The following MAP2 variants were observed in gnomAD, a reference collection of about 807,000 sequenced individuals.
The protein encoded by MAP2 is microtubule associated protein 2.
Under a neutral mutation model 137.6 loss-of-function variants are expected in MAP2, and 14 were observed. The ratio of observed to expected loss-of-function variants is 0.10; its 90% CI spans 0.07 to 0.16. The LOEUF (loss-of-function observed/expected upper bound fraction) is 0.16, where lower values mean the gene tolerates loss of function less well. MAP2 is among the 10% of genes least tolerant of loss of function. MAP2 has a pLI of 1.00. For synonymous variants in MAP2, 786 were observed against 782.3 expected (o/e 1.00, Z -0.08); for missense variants, 2,088 against 2,191.5 (o/e 0.95, Z 0.94).
chr2:209,515,752 A>C (rs1158981763), intron 2 of MAP2, among the ~76,000 whole-genome samples: 1 of 152,040 alleles, frequency 6.6e-6, no homozygotes, highest in African/African-American at 2.4e-5. Context: ...GAATCGAGAA[A>C]CTTAGTCATT....
At chr2:209,603,428 G>C (rs541899373) in intron 3 of MAP2, among the ~76,000 whole-genome samples, 3 of 151,996 alleles carry the variant, frequency 2.0e-5, no homozygotes, top group African/African-American at 7.3e-5. Flanking sequence ...GATGGGGGGC[G>C]GTTATCACAA....
chr2:209,718,571 C>T (rs2068743758), intron 13 of MAP2, among the ~76,000 whole-genome samples: 1 of 151,862 alleles, frequency 6.6e-6, no homozygotes, highest in African/African-American at 2.4e-5. Flanking sequence ...TCCACTAAAA[C>T]GTTCTTTCCA....
rs938179269 is a variant in MAP2, at chr2:209,621,133, T to G, written c.-106-3920T>G. On this transcript the variant is annotated intron_variant, in intron 3 of 15. Coordinates refer to ENST00000682079, the MANE Select transcript of MAP2 (RefSeq NM_001375505.1). ...TCACTTGAACCCTGGAGGCGGAGGT[T>G]GCAGTGAGCCGAGATCACGCCATTG... is the stretch of plus-strand genomic sequence containing the variant. Among the ~76,000 whole-genome samples the G allele has an allele frequency of 2.0e-5, 3 of 151,054 alleles. No individual in the cohort carries two copies. In the East Asian group the frequency reaches 6.0e-4, roughly 30 times the overall value.
chr2:209,485,377 T>A (rs2058250361), intron 1 of MAP2, among the ~76,000 whole-genome samples: 1 of 152,162 alleles, frequency 6.6e-6, no homozygotes, highest in South Asian at 2.1e-4. Context: ...CCACCTCCTA[T>A]AACTTTTTTT....
At chr2:209,701,937 C>T (rs2061871320) in intron 11 of MAP2, among the ~76,000 whole-genome samples, 1 of 151,702 alleles carries the variant, frequency 6.6e-6, no homozygotes, top group South Asian at 2.1e-4. Context: ...TCTTAATTTT[C>T]TAAAAATAAA....
chr2:209,459,927 C>G (rs1382821568), intron 1 of MAP2, among the ~76,000 whole-genome samples: 1 of 152,156 alleles, frequency 6.6e-6, no homozygotes, highest in Non-Finnish European at 1.5e-5. Context: ...CTCTTAGCCC[C>G]TTTCCTTGTC....
intron 1 of MAP2, among the ~76,000 whole-genome samples, chr2:209,464,051 G>T (rs552205069): frequency 2.6e-5 from 4 of 152,100 alleles, no homozygotes; most frequent in Admixed American, 2.6e-4. Context: ...ATGACTAATG[G>T]ATGACTGGGG....
At chr2:209,488,260 T>G (rs2058640336) in intron 1 of MAP2, among the ~76,000 whole-genome samples, 1 of 152,220 alleles carries the variant, frequency 6.6e-6, no homozygotes, top group African/African-American at 2.4e-5. Context: ...GCCCACATAC[T>G]ACGCTTTTCC....
At chr2:209,607,941 T>C (rs1314601327) in intron 3 of MAP2, among the ~76,000 whole-genome samples, 2 of 152,230 alleles carry the variant, frequency 1.3e-5, no homozygotes, top group Admixed American at 6.5e-5. Context: ...CTTATATCTT[T>C]TCTGTCACAC....
intron 2 of MAP2, among the ~76,000 whole-genome samples, chr2:209,523,144 A>G (rs920035843): frequency 6.6e-6 from 1 of 152,054 alleles, no homozygotes; most frequent in African/African-American, 2.4e-5. Context: ...CTTAGACCTC[A>G]GTTACTCAGA....
In MAP2 at chr2:209,608,842, T is replaced by C. The variant is rs1039293561; in HGVS notation, c.-106-16211T>C. On this transcript the variant is annotated intron_variant, in intron 3 of 15. Coordinates refer to ENST00000682079, the MANE Select transcript of MAP2 (RefSeq NM_001375505.1). ...CTGTTGTGTGCCAACAACCTGTAGT[T>C]CTCATTGCCCCTTTGCTTCTGCTCT... is the stretch of plus-strand genomic sequence containing the variant. Among the ~76,000 whole-genome samples, 3 of 152,122 alleles carry C rather than the reference T, an allele frequency of 2.0e-5. No individual in the cohort carries two copies. The South Asian group carries it at 6.2e-4, about 32-fold the overall frequency.
chr2:209,631,093 A>C (rs1308432228), intron 4 of MAP2, among the ~76,000 whole-genome samples: 2 of 151,568 alleles, frequency 1.3e-5, no homozygotes, highest in African/African-American at 4.8e-5. Flanking sequence ...ACAAATCTAG[A>C]GACAGAACAA....
intron 3 of MAP2, among the ~76,000 whole-genome samples, chr2:209,588,798 C>T (rs1439458011): frequency 6.6e-6 from 1 of 151,518 alleles, no homozygotes; most frequent in Non-Finnish European, 1.5e-5. Flanking sequence ...TAAAAAAAAA[C>T]CTAAGTAGAC....
chr2:209,618,919 A>G (rs1387002407), intron 3 of MAP2, among the ~76,000 whole-genome samples: 1 of 152,200 alleles, frequency 6.6e-6, no homozygotes, highest in Non-Finnish European at 1.5e-5. Flanking sequence ...AAAATATGGG[A>G]TATATACATA....
At chr2:209,473,510 C>T (rs1706336684) in intron 1 of MAP2, among the ~76,000 whole-genome samples, 1 of 152,044 alleles carries the variant, frequency 6.6e-6, no homozygotes, top group African/African-American at 2.4e-5. Flanking sequence ...GCTTTTGTCA[C>T]ATATGTTTTC....
rs1351301658 is a variant in MAP2 at position 209,693,427 on chromosome 2, T to C, written c.1257T>C (p.Thr419=). ...EEEKEAINQE[T]VQQRDTFTPS... Reference sequence around the variant, plus strand: ...AAAAGGAGGCCATAAATCAAGAGACTGTGCAGCAAAGGGATACTTTCACCC... The same window carrying C: ...AAAAGGAGGCCATAAATCAAGAGACCGTGCAGCAAAGGGATACTTTCACCC... Residue 419 remains threonine (T), a synonymous_variant, in exon 8 of 16, where the codon ACT becomes ACC. Transcript: ENST00000682079. 6.2e-7 allele frequency: 1 copy of C among 1,613,798 alleles called. No individual in the cohort carries two copies. Among genetic ancestry groups the C allele is most frequent in the African/African-American group, 1.3e-5 (1 of 74,864 alleles).
chr2:209,477,898 G>A (rs1024149998), intron 1 of MAP2, among the ~76,000 whole-genome samples: 2 of 151,972 alleles, frequency 1.3e-5, no homozygotes, highest in East Asian at 1.9e-4. Context: ...CAGCTACTGC[G>A]GAGGCTGAGG....
In MAP2 at chr2:209,693,223, A is replaced by T; in HGVS notation, c.1053A>T (p.Lys351Asn). 6.2e-7 allele frequency: 1 copy of T among 1,613,786 alleles called. No individual in the cohort carries two copies. Among genetic ancestry groups the T allele is most frequent in the Non-Finnish European group, 8.5e-7 (1 of 1,179,934 alleles). ...CCTTTTTACAGCCAGATGACAAAAA[A>T]TCTCTGCAACAAACCAGTGGCCCAG... is the stretch of plus-strand genomic sequence containing the variant. The part of the protein sequence containing the change: ...APAFLQPDDK[K>N]SLQQTSGPAT... The change falls in exon 8 of 16, where the codon AAA becomes AAT. Residue 351 changes from lysine to asparagine, a missense_variant. Lys to Asn is a moderately conservative substitution (Grantham distance 94, BLOSUM62 0). Transcript: ENST00000682079.
At chr2:209,646,277 T>C (rs933296782) in intron 4 of MAP2, among the ~76,000 whole-genome samples, 1 of 152,176 alleles carries the variant, frequency 6.6e-6, no homozygotes, top group African/African-American at 2.4e-5. Context: ...TGTAAATTAA[T>C]TTATTATGCA....
Sources: allele counts gnomAD v4.1 joint callset (sites outside exome capture counted in the v4.1 genomes callset), GRCh38; gene constraint gnomAD v4.1.1; transcripts MANE v1.5; gene names NCBI Gene and HGNC (gene_info 2026-07-23, HGNC 2026-07-21).